Variants in SH3RF3 observed in about 807,000 individuals in gnomAD.
SH3RF3 encodes E3 ubiquitin-protein ligase SH3RF3.
Under a neutral mutation model 66.3 loss-of-function variants are expected in SH3RF3, and 29 were observed. The ratio of observed to expected loss-of-function variants is 0.44; its 90% CI spans 0.33 to 0.60. The LOEUF (loss-of-function observed/expected upper bound fraction) is 0.60, where lower values mean the gene tolerates loss of function less well. SH3RF3 is among the 20% of genes least tolerant of loss of function. SH3RF3 has a pLI of 0.04. For synonymous variants in SH3RF3, 583 were observed against 532.0 expected, an observed-to-expected ratio of 1.10 and a Z score of -1.32; for missense variants, 1,194 against 1,190.9, an observed-to-expected ratio of 1.00 and a Z score of -0.04.
At chr2:109,282,194 A>G (rs968625830) in intron 1 of SH3RF3, among the ~76,000 whole-genome samples, 10 of 152,104 alleles carry the variant, frequency 6.6e-5, no homozygotes, top group Non-Finnish European at 8.8e-5. Flanking sequence ...TCTTGTTGCC[A>G]TGAGTGTTTA....
At chr2:109,214,533 G>C (rs1356804826) in intron 1 of SH3RF3, among the ~76,000 whole-genome samples, 2 of 152,004 alleles carry the variant, frequency 1.3e-5, no homozygotes, top group African/African-American at 4.8e-5. Flanking sequence ...AGACCTGTGA[G>C]ACAAGGACTA....
intron 1 of SH3RF3, among the ~76,000 whole-genome samples, chr2:109,286,737 G>C (rs144956916): frequency 6.6e-6 from 1 of 152,210 alleles, no homozygotes; most frequent in Admixed American, 6.5e-5. Context: ...ACCTTTGGGA[G>C]TGTTGGGTTT....
intron 1 of SH3RF3, among the ~76,000 whole-genome samples, chr2:109,179,997 A>G (rs779893311): frequency 6.6e-6 from 1 of 152,182 alleles, no homozygotes; most frequent in Non-Finnish European, 1.5e-5. Flanking sequence ...TTTGGGTTGC[A>G]AGAATCAGAC....
intron 1 of SH3RF3, among the ~76,000 whole-genome samples, chr2:109,155,601 G>A (rs748291153): frequency 2.6e-5 from 4 of 152,046 alleles, no homozygotes; most frequent in African/African-American, 4.8e-5. Flanking sequence ...GTGCCTGGCC[G>A]GATCTTTGTT....
chr2:109,215,426 C>G lies in SH3RF3; in HGVS notation c.573+85313C>G, dbSNP rs991132797. ...GTGAACTCAGATGCTTTGTAAAATA[C>G]TCAAGCTAGCTGACCCCTCCTCAAG... On this transcript the variant is annotated intron_variant, in intron 1 of 9. Coordinates refer to ENST00000309415, the MANE Select transcript of SH3RF3 (RefSeq NM_001099289.3). 3.7e-5 allele frequency among the ~76,000 whole-genome samples: 5 copies of G among 135,376 alleles called. No homozygotes were observed. The East Asian group carries it at 9.8e-4, about 27-fold the overall frequency. 88.8% of individuals were successfully genotyped at this position (135,376 alleles called of 152,430 possible). A position where few individuals can be genotyped will look rare whatever the true frequency, so the allele number is the denominator to read the frequency against.
chr2:109,130,189 G>C, intron 1 of SH3RF3, 76 bp downstream of exon 1: 1 of 1,222,404 alleles, frequency 8.2e-7, no homozygotes, highest in Non-Finnish European at 1.0e-6. Flanking sequence ...GGGGGGCAGT[G>C]ATGAGGTGCG....
intron 1 of SH3RF3, among the ~76,000 whole-genome samples, chr2:109,172,140 G>T (rs1475199773): frequency 6.6e-6 from 1 of 152,204 alleles, no homozygotes; most frequent in Non-Finnish European, 1.5e-5. Context: ...GTGGGGAGCA[G>T]GTCTCCCGGA....
At chr2:109,284,587 G>A (rs1253415404) in intron 1 of SH3RF3, among the ~76,000 whole-genome samples, 1 of 152,180 alleles carries the variant, frequency 6.6e-6, no homozygotes, top group Non-Finnish European at 1.5e-5. Flanking sequence ...GGTGGTTTTG[G>A]CTGGATGAAG....
intron 8 of SH3RF3, among the ~76,000 whole-genome samples, chr2:109,479,566 G>A (rs981065494): frequency 1.3e-5 from 2 of 152,178 alleles, no homozygotes; most frequent in African/African-American, 4.8e-5. Flanking sequence ...CATGGGCAGA[G>A]GAAGCAGCAG....
At chr2:109,362,299 C>T (rs1421381757) in intron 2 of SH3RF3, among the ~76,000 whole-genome samples, 1 of 152,072 alleles carries the variant, frequency 6.6e-6, no homozygotes, top group Non-Finnish European at 1.5e-5. Flanking sequence ...TTTTAAATTT[C>T]TCTTGAGAGT....
chr2:109,347,546 C>A, intron 1 of SH3RF3, 128 bp from the exon 2 acceptor site: 1 of 1,253,348 alleles, frequency 8.0e-7, no homozygotes, highest in Non-Finnish European at 1.1e-6. Flanking sequence ...TTTCCACTTG[C>A]GGGGCACTCT....
At chr2:109,410,620 T>C (rs890666107) in intron 4 of SH3RF3, among the ~76,000 whole-genome samples, 3 of 152,254 alleles carry the variant, frequency 2.0e-5, no homozygotes, top group African/African-American at 7.2e-5. Context: ...GGAGTTGTTC[T>C]GTAGGGTCAG....
intron 1 of SH3RF3, among the ~76,000 whole-genome samples, chr2:109,179,003 A>AGTGTG (rs1553480769): frequency 1.6e-4 from 23 of 142,066 alleles, no homozygotes; most frequent in African/African-American, 5.4e-4. Flanking sequence ...AAGTATAATA[A>AGTGTG]TGTGTGTGTG....
chr2:109,412,637 C>T (rs1340791726), intron 4 of SH3RF3, among the ~76,000 whole-genome samples: 2 of 152,248 alleles, frequency 1.3e-5, no homozygotes, highest in Admixed American at 6.5e-5. Flanking sequence ...AAAGATGGCA[C>T]ATGGGGGATC....
At chr2:109,400,956 A>G (rs1368471478) in intron 4 of SH3RF3, among the ~76,000 whole-genome samples, 1 of 152,170 alleles carries the variant, frequency 6.6e-6, no homozygotes, top group Non-Finnish European at 1.5e-5. Context: ...GACCTGGGCT[A>G]AATTCTTCTT....
chr2:109,235,054 G>A (rs1258232697), intron 1 of SH3RF3, among the ~76,000 whole-genome samples: 1 of 152,180 alleles, frequency 6.6e-6, no homozygotes, highest in African/African-American at 2.4e-5. Flanking sequence ...AGGCCATCAT[G>A]TTCTCCTTTA....
chr2:109,347,669 T>A lies in SH3RF3; in HGVS notation c.574-5T>A, dbSNP rs949548199. The stretch of plus-strand genomic sequence containing the variant: ...CGGTGACCACATGCTGTCTGTTGCT[T>A]GCAGAATCCCTGCCTGCTTCCCTAT... On this transcript the variant is annotated splice_region_variant and splice_polypyrimidine_tract_variant and intron_variant, in intron 1 of 9. Coordinates refer to ENST00000309415, the MANE Select transcript of SH3RF3 (RefSeq NM_001099289.3). The A allele has an allele frequency of 1.2e-6, 2 of 1,612,604 alleles. No homozygotes were observed. Among genetic ancestry groups the A allele is most frequent in the African/African-American group, 2.7e-5 (2 of 74,912 alleles).
chr2:109,398,645 C>G lies in SH3RF3; in HGVS notation c.1001C>G (p.Ala334Gly). ...ATGGACAAGCCATGCCCAGCCGCTGCATCCAGCTGCAATGCCTCCCTGCCC... is the reference window on the plus strand; with the variant it reads ...ATGGACAAGCCATGCCCAGCCGCTGGATCCAGCTGCAATGCCTCCCTGCCC... ...IEMDKPCPAA[A>G]SSCNASLPSD... The change falls in exon 4 of 10, where the codon GCA becomes GGA. Residue 334 changes from alanine (A) to glycine (G), a missense_variant. By Grantham distance (60) the Ala-to-Gly change is moderately conservative. Coordinates refer to ENST00000309415, the MANE Select transcript of SH3RF3 (RefSeq NM_001099289.3). The G allele has an allele frequency of 6.2e-7, 1 of 1,602,092 alleles. No homozygotes were observed. The highest frequency in any genetic ancestry group is 8.5e-7 in the Non-Finnish European group (1 of 1,175,044).
At chr2:109,399,215 C>T (rs1676239117) in intron 4 of SH3RF3, among the ~76,000 whole-genome samples, 3 of 152,120 alleles carry the variant, frequency 2.0e-5, no homozygotes, top group African/African-American at 4.8e-5. Context: ...AACACCCACC[C>T]GCCTCATGAC....
Sources: gnomAD v4.1 joint callset for allele counts (sites outside exome capture counted in the v4.1 genomes callset) on GRCh38, gnomAD v4.1.1 for gene constraint, MANE v1.5 for transcripts, NCBI Gene and HGNC (gene_info 2026-07-23, HGNC 2026-07-21) for gene names.